Variants in MAPDA observed in about 807,000 individuals in gnomAD.
The protein encoded by MAPDA is N6-Methyl-AMP deaminase.
chr15:43,350,983 C>T, the MAPDA span: 8 of 1,551,690 alleles, frequency 5.2e-6, no homozygotes, highest in Non-Finnish European at 7.0e-6. Context: ...ACAGTTCCAT[C>T]TTATGACCAG....
chr15:43,343,748 A>C, the MAPDA span, among the ~76,000 whole-genome samples: 1 of 152,192 alleles, frequency 6.6e-6, no homozygotes, highest in African/African-American at 2.4e-5. Flanking sequence ...ATTCACCACT[A>C]CATCTTTAGT....
At chr15:43,330,938 C>G in the MAPDA span, 1 of 154,876 alleles carries the variant, frequency 6.5e-6, no homozygotes, top group East Asian at 1.9e-4. Context: ...AGGGTCGGCA[C>G]CACGGACCTT....
chr15:43,348,868 G>A, the MAPDA span: 12 of 1,601,128 alleles, frequency 7.5e-6, no homozygotes, highest in Non-Finnish European at 1.0e-5. Context: ...AAGAACCACT[G>A]AAAGAGGCCA....
At chr15:43,353,165 G>C in the MAPDA span, 2 of 152,008 alleles carry the variant, frequency 1.3e-5, no homozygotes, top group Non-Finnish European at 2.9e-5. Context: ...TGGGTCTCTT[G>C]TAACCCTACC....
At chr15:43,346,659 G>A in the MAPDA span, among the ~76,000 whole-genome samples, 5 of 152,140 alleles carry the variant, frequency 3.3e-5, no homozygotes, top group Admixed American at 6.5e-5. Flanking sequence ...CCTGTTTAAC[G>A]GAAGTGTTTT....
At chr15:43,337,516 A>T in the MAPDA span, among the ~76,000 whole-genome samples, 1 of 152,216 alleles carries the variant, frequency 6.6e-6, no homozygotes, top group African/African-American at 2.4e-5. Context: ...AGAGTCTGAC[A>T]TGGAAGATTG....
the MAPDA span, among the ~76,000 whole-genome samples, chr15:43,334,426 G>A: frequency 6.6e-6 from 1 of 151,312 alleles, no homozygotes; most frequent in Non-Finnish European, 1.5e-5. Flanking sequence ...TCAGGAGTTC[G>A]AGACCAGCCT....
At chr15:43,339,346 T>C in the MAPDA span, among the ~76,000 whole-genome samples, 5 of 152,304 alleles carry the variant, frequency 3.3e-5, no homozygotes, top group African/African-American at 1.2e-4. Flanking sequence ...CCATTCCACT[T>C]ACATTATAAT....
the MAPDA span, chr15:43,333,375 C>T: frequency 6.7e-6 from 1 of 149,598 alleles, no homozygotes; most frequent in African/African-American, 2.5e-5. Context: ...GTGATCGTGA[C>T]ACTGCACTCC....
the MAPDA span, chr15:43,347,178 C>T: frequency 3.4e-5 from 39 of 1,144,536 alleles, no homozygotes; most frequent in African/African-American, 3.9e-4. Context: ...AGGAATAAAC[C>T]GGGATTGGAA....
At chr15:43,342,339 A>C in the MAPDA span, among the ~76,000 whole-genome samples, 1 of 151,902 alleles carries the variant, frequency 6.6e-6, no homozygotes. Flanking sequence ...TTGGAAGAAC[A>C]TGCCTGGTTC....
the MAPDA span, among the ~76,000 whole-genome samples, chr15:43,345,688 G>A: frequency 1.3e-5 from 2 of 152,156 alleles, no homozygotes; most frequent in African/African-American, 4.8e-5. Context: ...TCATGTCTCA[G>A]TCCGTATGAC....
the MAPDA span, among the ~76,000 whole-genome samples, chr15:43,342,808 A>G: frequency 6.6e-6 from 1 of 151,746 alleles, no homozygotes; most frequent in East Asian, 1.9e-4. Context: ...ATTTCCCCCT[A>G]ATTTTATTAA....
At chr15:43,347,115 G>T in the MAPDA span, 2 of 1,588,002 alleles carry the variant, frequency 1.3e-6, no homozygotes. Context: ...TATTGTCTTA[G>T]GCTAGAAGGG....
the MAPDA span, chr15:43,352,986 C>G: frequency 6.6e-6 from 1 of 151,632 alleles, no homozygotes; most frequent in African/African-American, 2.4e-5. Context: ...CACTCTGTTC[C>G]CCAGGCTGGA....
the MAPDA span, among the ~76,000 whole-genome samples, chr15:43,334,686 A>C: frequency 1.0e-5 from 1 of 96,170 alleles, no homozygotes; most frequent in Admixed American, 1.2e-4. Flanking sequence ...TAGGCCTTAT[A>C]AAATTTTGAA....
the MAPDA span, chr15:43,330,363 G>T: frequency 6.2e-7 from 1 of 1,604,298 alleles, no homozygotes. Flanking sequence ...GCCGCGCCCG[G>T]AACCAGCAAC....
At chr15:43,335,924 A>G in the MAPDA span, 250 of 1,463,648 alleles carry the variant, frequency 1.7e-4, no homozygotes, top group African/African-American at 2.9e-3. Flanking sequence ...GTAAACAGAA[A>G]TAGGGTTGGC....
chr15:43,330,410 A>G, the MAPDA span: 24 of 1,541,518 alleles, frequency 1.6e-5, no homozygotes, highest in Non-Finnish European at 2.0e-5. Context: ...GCGCGCGGCC[A>G]GGGAACGCTT....
Sources: allele counts gnomAD v4.1 joint callset (sites outside exome capture counted in the v4.1 genomes callset), GRCh38; gene constraint gnomAD v4.1.1; transcripts MANE v1.5; gene names NCBI Gene and HGNC (gene_info 2026-07-23, HGNC 2026-07-21).